The following THAP5 variants were observed in gnomAD, a reference collection of about 807,000 sequenced individuals.
THAP5 encodes the protein THAP domain-containing protein 5.
Under a neutral mutation model 34.0 loss-of-function variants are expected in THAP5, and 26 were observed. The observed-to-expected ratio is 0.77, with a 90% CI of 0.56 to 1.06. The LOEUF is 1.06. Ranked by LOEUF, THAP5 falls within the 50% of genes least tolerant of loss-of-function variation. The pLI, the probability that THAP5 is intolerant of heterozygous loss-of-function variation, is 0.00. For missense variants in THAP5, 394 were observed against 452.8 expected (o/e 0.87, Z 1.18); for synonymous variants, 125 against 153.0 (o/e 0.82, Z 1.35).
chr7:108,550,870 C>T (rs185609426), downstream of THAP5, among the ~76,000 whole-genome samples: 8 of 152,324 alleles, frequency 5.3e-5, no homozygotes, highest in East Asian at 7.7e-4. Flanking sequence ...CTGGGCTTTA[C>T]GGCTTCAACA....
At chr7:108,542,216 T>G in the THAP5 span, among the ~76,000 whole-genome samples, 19 of 152,192 alleles carry the variant, frequency 1.2e-4, no homozygotes, top group African/African-American at 4.6e-4. Context: ...TGTAGCATGG[T>G]GGACTTGAGT....
chr7:108,560,989 C>T (rs919758129), downstream of THAP5, among the ~76,000 whole-genome samples: 1 of 152,104 alleles, frequency 6.6e-6, no homozygotes, highest in African/African-American at 2.4e-5. Flanking sequence ...CTGCTTTGGG[C>T]CCCCAGAGCG....
chr7:108,547,246 C>T, the THAP5 span, among the ~76,000 whole-genome samples: 20 of 152,134 alleles, frequency 1.3e-4, no homozygotes, highest in Non-Finnish European at 7.4e-5. Context: ...ATTTTTCATC[C>T]GTGGTTCAGG....
the THAP5 span, among the ~76,000 whole-genome samples, chr7:108,547,263 C>G: frequency 6.6e-6 from 1 of 152,180 alleles, no homozygotes; most frequent in Non-Finnish European, 1.5e-5. Flanking sequence ...CAGGTACATT[C>G]TAGTCTCATG....
At chr7:108,543,191 T>C in the THAP5 span, among the ~76,000 whole-genome samples, 2 of 152,094 alleles carry the variant, frequency 1.3e-5, no homozygotes, top group East Asian at 3.9e-4. Flanking sequence ...CCTCCCAAAG[T>C]GCTGGGATTA....
At chr7:108,553,435 A>C (rs1564007516), downstream of THAP5, among the ~76,000 whole-genome samples, 1 of 152,190 alleles carries the variant, frequency 6.6e-6, no homozygotes, top group Non-Finnish European at 1.5e-5. Context: ...CCGTAATTGC[A>C]CTTCTAGTGC....
downstream of THAP5, among the ~76,000 whole-genome samples, chr7:108,551,565 A>G (rs1346796841): frequency 1.3e-5 from 2 of 152,252 alleles, no homozygotes; most frequent in Non-Finnish European, 2.9e-5. Context: ...AGTAGAAAAT[A>G]GACTAAGACG....
At chr7:108,568,634 A>C (rs1790539467) in intron 1 of THAP5, 1 of 154,684 alleles carries the variant, frequency 6.5e-6, no homozygotes, top group South Asian at 2.0e-4. Flanking sequence ...GTTAGATCTA[A>C]ATGAATTGTT....
chr7:108,551,174 C>T (rs928309046), downstream of THAP5, among the ~76,000 whole-genome samples: 6 of 152,060 alleles, frequency 3.9e-5, no homozygotes, highest in East Asian at 1.9e-4. Flanking sequence ...AATCTGTTTT[C>T]GCTAAGTTGC....
At chr7:108,546,449 T>C in the THAP5 span, among the ~76,000 whole-genome samples, 1 of 152,200 alleles carries the variant, frequency 6.6e-6, no homozygotes, top group Non-Finnish European at 1.5e-5. Context: ...CAGTGATACA[T>C]AGGACCCTTA....
chr7:108,564,305 T>C lies in THAP5; in HGVS notation c.1074A>G (p.Arg358=), dbSNP rs1790428530. 1.7e-5 allele frequency: 27 copies of C among 1,613,930 alleles called. No homozygotes were observed. Among genetic ancestry groups the C allele is most frequent in the Non-Finnish European group, 2.2e-5 (26 of 1,179,906 alleles). Residue 358 remains arginine (R), a synonymous_variant, in exon 3 of 3, where the codon AGA becomes AGG. Coordinates refer to ENST00000415914, the MANE Select transcript of THAP5 (RefSeq NM_001130475.3). The stretch of plus-strand genomic sequence containing the variant: ...TTATAAGAGCTTCCAAAGACTTCAA[T>C]CTACCTAGAGTTTGTTGCTCTTTTA... ...LELKEQQTLG[R]LKSLEALIRQ... is the part of the protein sequence containing the mutation.
downstream of THAP5, among the ~76,000 whole-genome samples, chr7:108,552,299 C>G (rs564314856): frequency 6.6e-6 from 1 of 152,286 alleles, no homozygotes; most frequent in South Asian, 2.1e-4. Context: ...CCACACTCCC[C>G]AATTCCAGAG....
chr7:108,560,229 A>G (rs1864416817), downstream of THAP5, among the ~76,000 whole-genome samples: 1 of 152,228 alleles, frequency 6.6e-6, no homozygotes, highest in Non-Finnish European at 1.5e-5. Context: ...TTTGCAAAGG[A>G]GAGAATGATG....
rs971973559 is a variant in THAP5, at chr7:108,562,512, A to G, written c.*1679T>C. 3 of 152,196 alleles carry G rather than the reference A, an allele frequency of 2.0e-5. No homozygotes were observed. The highest frequency in any genetic ancestry group is 4.1e-4 in the South Asian group (2 of 4,832). 9.4% of individuals were successfully genotyped at this position (152,196 alleles called of 1,614,324 possible). ...ATAATCATCATGCATTTACAAAACA[A>G]TATTATTTGCCAGTCAGAGTCAACT... On this transcript the variant is annotated 3_prime_UTR_variant, in exon 3 of 3. Transcript: ENST00000415914.
chr7:108,558,367 A>ATGTG (rs1473520288), downstream of THAP5, among the ~76,000 whole-genome samples: 304 of 104,224 alleles, frequency 2.9e-3, 6 homozygotes, highest in African/African-American at 6.3e-3. Context: ...ATATATGTAT[A>ATGTG]TGTGTGTGTG....
chr7:108,550,632 T>C (rs2154517802), downstream of THAP5, among the ~76,000 whole-genome samples: 1 of 152,352 alleles, frequency 6.6e-6, no homozygotes, highest in South Asian at 2.1e-4. Context: ...TCAGTAAGTT[T>C]GGTTTCTCCT....
downstream of THAP5, among the ~76,000 whole-genome samples, chr7:108,558,963 T>C (rs1049848312): frequency 6.6e-6 from 1 of 152,240 alleles, no homozygotes; most frequent in African/African-American, 2.4e-5. Flanking sequence ...TTAAAATACA[T>C]TTAAGATCTG....
the THAP5 span, among the ~76,000 whole-genome samples, chr7:108,545,092 A>C: frequency 6.6e-6 from 1 of 152,248 alleles, no homozygotes; most frequent in African/African-American, 2.4e-5. Context: ...AGAAAGATAT[A>C]GATTGCTATA....
At chr7:108,547,577 T>A in the THAP5 span, among the ~76,000 whole-genome samples, 3 of 152,220 alleles carry the variant, frequency 2.0e-5, no homozygotes, top group Non-Finnish European at 4.4e-5. Flanking sequence ...TTTTCTGATA[T>A]TCTATATAGT....
Sources: allele counts gnomAD v4.1 joint callset (sites outside exome capture counted in the v4.1 genomes callset), GRCh38; gene constraint gnomAD v4.1.1; transcripts MANE v1.5; gene names NCBI Gene and HGNC (gene_info 2026-07-23, HGNC 2026-07-21).